HACD2: variants seen among roughly 807,000 people sequenced by gnomAD.
HACD2 encodes 3-hydroxyacyl-CoA dehydratase 2, also known as very-long-chain (3R)-3-hydroxyacyl-CoA dehydratase 2.
HACD2 carries 15 observed loss-of-function variants against 31.0 expected under a neutral mutation model. The observed-to-expected ratio is 0.48, with a 90% confidence interval of 0.32 to 0.75. The LOEUF (loss-of-function observed/expected upper bound fraction) is 0.75. Ranked by LOEUF, HACD2 falls within the 30% of genes least tolerant of loss-of-function variation. The pLI is 0.03. For missense variants in HACD2, 283 were observed against 313.0 expected (o/e 0.90, Z 0.72); for synonymous variants, 115 against 122.2 (o/e 0.94, Z 0.39).
At chr3:123,541,078 C>G (rs2056484603) in intron 3 of HACD2, among the ~76,000 whole-genome samples, 1 of 152,118 alleles carries the variant, frequency 6.6e-6, no homozygotes, top group Non-Finnish European at 1.5e-5. Context: ...CGAGACCAGC[C>G]TGGCCAACAT....
rs1559913085 is a variant in HACD2 at position 123,530,407 on chromosome 3, A to AG, written c.293-1934_293-1933insC. On this transcript the variant is annotated intron_variant, in intron 3 of 6. Coordinates refer to ENST00000383657, the MANE Select transcript of HACD2 (RefSeq NM_198402.5). ...GCTGGGACCACACGGTGTGCCAGGT[A>AG]ATTTTTTTTTTTTTTTTTTTGAGAC... Among the ~76,000 whole-genome samples, 385 of 145,302 alleles carry AG rather than the reference A, an allele frequency of 2.6e-3. 2 individuals carry two copies. Among genetic ancestry groups the AG allele is most frequent in the African/African-American group, 9.8e-3 (365 of 37,302 alleles).
At chr3:123,581,890 C>T (rs2056969958) in intron 2 of HACD2, among the ~76,000 whole-genome samples, 1 of 152,194 alleles carries the variant, frequency 6.6e-6, no homozygotes, top group South Asian at 2.1e-4. Flanking sequence ...ATTTCTATTA[C>T]ATAAACCCTG....
rs984812659 is a variant in HACD2 at position 123,578,936 on chromosome 3, T to C, written c.273+3276A>G. On this transcript the variant is annotated intron_variant, in intron 2 of 6. Transcript: ENST00000383657. The stretch of plus-strand genomic sequence containing the variant: ...ATGAAAAACTCCTCAACCACAGAAA[T>C]TGTGGTTTTAGCAAGCCTGCTCTAT... Among the ~76,000 whole-genome samples, 8 of 152,166 alleles carry C rather than the reference T, an allele frequency of 5.3e-5. No individual in the cohort carries two copies. The South Asian group carries it at 1.2e-3, about 24-fold the overall frequency.
chr3:123,514,790 A>G (rs1371258466), intron 4 of HACD2, among the ~76,000 whole-genome samples: 1 of 152,216 alleles, frequency 6.6e-6, no homozygotes, highest in Non-Finnish European at 1.5e-5. Flanking sequence ...TTGGGATAAT[A>G]ATGATGATTA....
chr3:123,532,789 G>A (rs974709162), intron 3 of HACD2, among the ~76,000 whole-genome samples: 4 of 135,840 alleles, frequency 2.9e-5, no homozygotes, highest in East Asian at 4.4e-4. Context: ...AGCCGAAAAC[G>A]TGCCACTGTA....
intron 2 of HACD2, among the ~76,000 whole-genome samples, chr3:123,575,159 G>C (rs988110819): frequency 6.6e-6 from 1 of 151,560 alleles, no homozygotes; most frequent in Non-Finnish European, 1.5e-5. Context: ...CCTAGACTTG[G>C]AGTGCAGTGG....
intron 4 of HACD2, among the ~76,000 whole-genome samples, chr3:123,503,507 T>C (rs2055933037): frequency 1.3e-5 from 2 of 152,064 alleles, no homozygotes; most frequent in African/African-American, 4.8e-5. Flanking sequence ...GTTGTTTTTA[T>C]GCTGAAAAAA....
chr3:123,501,346 G>T (rs945954792), intron 5 of HACD2, among the ~76,000 whole-genome samples: 1 of 152,104 alleles, frequency 6.6e-6, no homozygotes, highest in South Asian at 2.1e-4. Flanking sequence ...CTTTAAAAAG[G>T]AGTTCTCCAT....
intron 2 of HACD2, among the ~76,000 whole-genome samples, chr3:123,570,076 C>A (rs1479946572): frequency 2.2e-5 from 3 of 138,204 alleles, no homozygotes; most frequent in Non-Finnish European, 4.6e-5. Flanking sequence ...GGAGAGGACA[C>A]ACAGCAATGA....
chr3:123,536,555 A>G (rs1040156469), intron 3 of HACD2, among the ~76,000 whole-genome samples: 1 of 152,234 alleles, frequency 6.6e-6, no homozygotes, highest in Non-Finnish European at 1.5e-5. Flanking sequence ...ATCCCCAACG[A>G]CGGGGATGCA....
chr3:123,506,680 C>T (rs576511001), intron 4 of HACD2, among the ~76,000 whole-genome samples: 1 of 152,224 alleles, frequency 6.6e-6, no homozygotes, highest in East Asian at 1.9e-4. Context: ...AGTGATCCTC[C>T]CTCCTCGGCC....
intron 4 of HACD2, among the ~76,000 whole-genome samples, chr3:123,513,779 A>G (rs755358124): frequency 6.6e-6 from 1 of 152,132 alleles, no homozygotes; most frequent in Non-Finnish European, 1.5e-5. Flanking sequence ...GAAAAAATAC[A>G]TTGTTTGGAC....
At chr3:123,559,382 T>C (rs1258891890) in intron 3 of HACD2, among the ~76,000 whole-genome samples, 3 of 152,230 alleles carry the variant, frequency 2.0e-5, no homozygotes, top group Admixed American at 6.5e-5. Context: ...TTGAAATGAA[T>C]TTCCAAACAC....
intron 4 of HACD2, among the ~76,000 whole-genome samples, chr3:123,517,343 C>G (rs1433133379): frequency 6.6e-6 from 1 of 152,154 alleles, no homozygotes; most frequent in East Asian, 1.9e-4. Context: ...TTCCTTAGTC[C>G]TGTTTGATTT....
At chr3:123,528,089 A>G (rs2056307099) in intron 4 of HACD2, among the ~76,000 whole-genome samples, 1 of 152,206 alleles carries the variant, frequency 6.6e-6, no homozygotes, top group South Asian at 2.1e-4. Flanking sequence ...TACGAACAAG[A>G]TATCAGAAAA....
At chr3:123,517,167 T>C (rs548762700) in intron 4 of HACD2, among the ~76,000 whole-genome samples, 65 of 152,366 alleles carry the variant, frequency 4.3e-4, no homozygotes, top group Admixed American at 8.5e-4. Context: ...TGGCTGTCTC[T>C]TAGGCTTAAT....
Position 123,582,345 on chromosome 3 carries a change from A to G in HACD2, c.156-16T>C. ...AACCAGCCACCTAGTAAAAGAGAAA[A>G]CAGCAATCAGGAAAAAATAAAAATA... On this transcript the variant is annotated splice_polypyrimidine_tract_variant and intron_variant, in intron 1 of 6. Coordinates refer to ENST00000383657, the MANE Select transcript of HACD2 (RefSeq NM_198402.5). 6.6e-7 allele frequency: 1 copy of G among 1,513,950 alleles called. No individual in the cohort carries two copies. Among genetic ancestry groups the G allele is most frequent in the Non-Finnish European group, 8.9e-7 (1 of 1,120,122 alleles). 93.8% of individuals were successfully genotyped at this position (1,513,950 alleles called of 1,614,324 possible).
At chr3:123,511,124 T>G (rs1248877108) in intron 4 of HACD2, among the ~76,000 whole-genome samples, 1 of 152,166 alleles carries the variant, frequency 6.6e-6, no homozygotes, top group Non-Finnish European at 1.5e-5. Flanking sequence ...CATTAAAATT[T>G]TTTTAGTATC....
chr3:123,550,668 G>A (rs931252303), intron 3 of HACD2, among the ~76,000 whole-genome samples: 2 of 152,156 alleles, frequency 1.3e-5, no homozygotes, highest in African/African-American at 2.4e-5. Flanking sequence ...AGAGCAGGTC[G>A]GGGAACAATG....
Sources: allele counts gnomAD v4.1 joint callset (sites outside exome capture counted in the v4.1 genomes callset), GRCh38; gene constraint gnomAD v4.1.1; transcripts MANE v1.5; gene names NCBI Gene and HGNC (gene_info 2026-07-23, HGNC 2026-07-21).